ZFHX3: variants seen among roughly 807,000 people sequenced by gnomAD.
ZFHX3 encodes the protein zinc finger homeobox protein 3.
In ZFHX3, 42 loss-of-function variants were observed where a neutral mutation model predicts 279.1. The ratio of observed to expected loss-of-function variants is 0.15; its 90% CI spans 0.12 to 0.19. The LOEUF (loss-of-function observed/expected upper bound fraction) is 0.19. Ranked by LOEUF, ZFHX3 falls within the 10% of genes least tolerant of loss-of-function variation. ZFHX3 has a pLI of 1.00. For missense variants in ZFHX3, 4,981 were observed against 4,754.0 expected, an observed-to-expected ratio of 1.05 and a Z score of -1.40; for synonymous variants, 2,293 against 1,957.8, an observed-to-expected ratio of 1.17 and a Z score of -4.52.
intron 1 of ZFHX3, among the ~76,000 whole-genome samples, chr16:73,824,491 G>T (rs1047700338): frequency 6.8e-5 from 8 of 118,456 alleles, no homozygotes; most frequent in Admixed American, 1.8e-4. Context: ...ATGCTGGTGC[G>T]CTGCACCCAC....
At chr16:73,807,619 A>ATTTTTTTTT (rs1960314019) in intron 1 of ZFHX3, among the ~76,000 whole-genome samples, 4 of 93,696 alleles carry the variant, frequency 4.3e-5, no homozygotes, top group African/African-American at 2.4e-4. Flanking sequence ...ACCATGCCCC[A>ATTTTTTTTT]ATTTTTTTTT....
At chr16:73,432,954 G>C (rs2017934675) in intron 3 of ZFHX3, among the ~76,000 whole-genome samples, 1 of 152,148 alleles carries the variant, frequency 6.6e-6, no homozygotes, top group African/African-American at 2.4e-5. Flanking sequence ...AGATCATATT[G>C]AGATAATCAC....
chr16:73,230,788 G>C (rs1428876404), intron 5 of ZFHX3, among the ~76,000 whole-genome samples: 2 of 152,170 alleles, frequency 1.3e-5, no homozygotes, highest in Admixed American at 1.3e-4. Flanking sequence ...CTGCTAATTG[G>C]ATTGCTAGAG....
chr16:73,718,494 G>A (rs1329879500), intron 1 of ZFHX3, among the ~76,000 whole-genome samples: 2 of 152,128 alleles, frequency 1.3e-5, no homozygotes, highest in East Asian at 3.9e-4. Flanking sequence ...TTTGCAAAGG[G>A]ACAAATTTAG....
At chr16:72,951,830 T>G (rs1294238030) in intron 2 of ZFHX3, among the ~76,000 whole-genome samples, 1 of 152,198 alleles carries the variant, frequency 6.6e-6, no homozygotes, top group African/African-American at 2.4e-5. Context: ...TGGCTACCTG[T>G]GACTAATAAA....
At position 72,787,760 on chromosome 16, in the gene ZFHX3, TG is replaced by T; in HGVS notation, c.10515del (p.Thr3506ProfsTer39). On this transcript the variant is annotated frameshift_variant, in exon 10 of 10. Transcript: ENST00000268489. LOFTEE classifies it high-confidence loss of function. The part of the protein sequence containing the change: ...VNLQEMVLHV[P>X]TGGGGGGSGG... ...CCACTGCCACCGCCGCCGCCGCCGG[TG>T]GGGACGTGAAGCACCATCTCTTGCA... The T allele has an allele frequency of 7.0e-7, 1 of 1,426,504 alleles. No homozygotes were observed. The highest frequency in any genetic ancestry group is 2.3e-5 in the Admixed American group (1 of 43,254). The allele number at this position is 1,426,504 out of a possible 1,614,324, so 88.4% of individuals were successfully genotyped here. A position where few individuals can be genotyped will look rare whatever the true frequency, so the allele number is the denominator to read the frequency against.
chr16:73,593,843 A>G (rs139791116), intron 2 of ZFHX3, among the ~76,000 whole-genome samples: 5 of 152,226 alleles, frequency 3.3e-5, no homozygotes, highest in Non-Finnish European at 7.3e-5. Context: ...ATAAAACTCA[A>G]ATCTATTTAT....
At chr16:73,756,281 T>C (rs556828760) in intron 1 of ZFHX3, among the ~76,000 whole-genome samples, 1 of 152,316 alleles carries the variant, frequency 6.6e-6, no homozygotes, top group African/African-American at 2.4e-5. Flanking sequence ...AAACCGTTTT[T>C]GTTGGAGGGG....
chr16:73,815,555 C>T (rs967065243), intron 1 of ZFHX3: 29 of 151,492 alleles, frequency 1.9e-4, no homozygotes, highest in Non-Finnish European at 3.8e-4. Flanking sequence ...TATTTTCTGT[C>T]TTTCCTTTTT....
chr16:73,555,357 T>A (rs1332359781), intron 2 of ZFHX3, among the ~76,000 whole-genome samples: 1 of 151,986 alleles, frequency 6.6e-6, no homozygotes, highest in East Asian at 2.0e-4. Context: ...GGTTTCACAG[T>A]GTCAGCCAGG....
intron 2 of ZFHX3, among the ~76,000 whole-genome samples, chr16:73,587,245 G>C (rs1340523701): frequency 6.6e-6 from 1 of 152,144 alleles, no homozygotes; most frequent in African/African-American, 2.4e-5. Context: ...ATCGGCAATA[G>C]GGAAGGTGAA....
intron 3 of ZFHX3, among the ~76,000 whole-genome samples, chr16:72,928,701 G>T (rs1959623716): frequency 6.6e-6 from 1 of 152,210 alleles, no homozygotes; most frequent in South Asian, 2.1e-4. Context: ...TCTTAGGCCA[G>T]ATATAGTGGC....
intron 5 of ZFHX3, among the ~76,000 whole-genome samples, chr16:73,236,946 G>A (rs549465379): frequency 3.0e-4 from 46 of 152,230 alleles, no homozygotes; most frequent in Admixed American, 9.2e-4. Context: ...CAGCAAGAAG[G>A]CTCCTCTTCT....
rs1567550741 is a variant in ZFHX3 at position 73,682,966 on chromosome 16, GAAAGAAAGAAAGAAAGAAAGAAAGA to G, written c.-1607-2751_-1607-2727del. On this transcript the variant is annotated intron_variant, in intron 1 of 17. Coordinates refer to the ZFHX3 transcript ENST00000641206. Reference sequence around the variant, plus strand: ...AGAAAGAAAGAAAGAAAGAAAGAAAGAAAGAAAGAAAGAAAGAAAGAAAGAAAAGAAAGAAAGAAAGAAAGAGAAA... The same window carrying G: ...AGAAAGAAAGAAAGAAAGAAAGAAAGAAAGAAAGAAAGAAAGAAAGAGAAA... Among the ~76,000 whole-genome samples, 149 of 26,512 alleles carry G rather than the reference GAAAGAAAGAAAGAAAGAAAGAAAGA, an allele frequency of 5.6e-3. 26 individuals are homozygous for G. Among genetic ancestry groups the G allele is most frequent in the African/African-American group, 0.016 (139 of 8,670 alleles). 17.4% of individuals were successfully genotyped at this position (26,512 alleles called of 152,430 possible). A position where few individuals can be genotyped will look rare whatever the true frequency, so the allele number is the denominator to read the frequency against.
At chr16:72,947,493 G>A (rs940428675) in intron 3 of ZFHX3, among the ~76,000 whole-genome samples, 4 of 152,156 alleles carry the variant, frequency 2.6e-5, no homozygotes, top group African/African-American at 9.7e-5. Flanking sequence ...CACACCGAAA[G>A]CCATGCCACT....
intron 3 of ZFHX3, among the ~76,000 whole-genome samples, chr16:73,448,564 T>C (rs994290757): frequency 1.3e-5 from 2 of 151,316 alleles, no homozygotes; most frequent in Non-Finnish European, 2.9e-5. Context: ...AGATAAAAAA[T>C]AAGGAAGGTA....
At chr16:73,518,293 T>C (rs919762323) in intron 2 of ZFHX3, among the ~76,000 whole-genome samples, 1 of 152,206 alleles carries the variant, frequency 6.6e-6, no homozygotes, top group African/African-American at 2.4e-5. Context: ...TTAGAAATGT[T>C]ATTTATTTTT....
intron 5 of ZFHX3, among the ~76,000 whole-genome samples, chr16:73,223,867 C>A (rs759124223): frequency 6.6e-6 from 1 of 152,052 alleles, no homozygotes; most frequent in Non-Finnish European, 1.5e-5. Flanking sequence ...TTATTCAGTG[C>A]TAAAAAGGAA....
intron 3 of ZFHX3, among the ~76,000 whole-genome samples, chr16:73,348,984 G>A (rs1157847096): frequency 1.3e-5 from 2 of 152,226 alleles, no homozygotes; most frequent in Non-Finnish European, 2.9e-5. Context: ...TTTGGAGCAA[G>A]AATGGGGATG....
Sources: allele counts gnomAD v4.1 joint callset (sites outside exome capture counted in the v4.1 genomes callset), GRCh38; gene constraint gnomAD v4.1.1; transcripts MANE v1.5; gene names NCBI Gene and HGNC (gene_info 2026-07-23, HGNC 2026-07-21).